Variants in NRK observed in about 807,000 individuals in gnomAD.
NRK encodes Nik related kinase.
NRK carries 67 observed loss-of-function variants against 125.2 expected under a neutral mutation model. The observed-to-expected ratio is 0.54, with a 90% CI of 0.44 to 0.66. The LOEUF is 0.66. Ranked by LOEUF, NRK falls within the 30% of genes least tolerant of loss-of-function variation. NRK has a pLI of 0.00. For missense variants in NRK, 1,224 were observed against 1,192.9 expected, an observed-to-expected ratio of 1.03 and a Z score of -0.38; for synonymous variants, 458 against 429.0, an observed-to-expected ratio of 1.07 and a Z score of -0.84.
intron 2 of NRK, among the ~76,000 whole-genome samples, chrX:105,857,211 C>T (rs901317834): frequency 1.3e-4 from 15 of 111,242 alleles, no homozygotes; most frequent in African/African-American, 4.9e-4. Context: ...GCTGTATAAT[C>T]TCTGATTAGA....
intron 27 of NRK, 21 bp from the exon 28 acceptor site, chrX:105,953,013 T>C: frequency 9.2e-7 from 1 of 1,091,695 alleles, no homozygotes; most frequent in Non-Finnish European, 1.2e-6. Flanking sequence ...TTTTTCTGAT[T>C]TTTTTTCATT....
At chrX:105,867,666 C>T (rs773353865) in intron 2 of NRK, among the ~76,000 whole-genome samples, 3 of 111,461 alleles carry the variant, frequency 2.7e-5, no homozygotes, top group South Asian at 3.7e-4. Flanking sequence ...CAGATATTTT[C>T]GTTATATCTC....
intron 7 of NRK, among the ~76,000 whole-genome samples, chrX:105,897,444 A>T (rs2040099038): frequency 8.9e-6 from 1 of 111,933 alleles, no homozygotes; most frequent in East Asian, 2.8e-4. Context: ...ATGAAAGAAA[A>T]CTTTAAATTA....
At chrX:105,851,779 A>G (rs1478552159) in intron 2 of NRK, among the ~76,000 whole-genome samples, 1 of 110,997 alleles carries the variant, frequency 9.0e-6, no homozygotes. Context: ...AAGGCAAGGT[A>G]CACTTCTGCC....
At chrX:105,823,430 T>A (rs1423849320) in intron 1 of NRK, among the ~76,000 whole-genome samples, 1 of 112,131 alleles carries the variant, frequency 8.9e-6, no homozygotes, top group Non-Finnish European at 1.9e-5. Flanking sequence ...TATTTTCTAA[T>A]ACACTTTCTA....
Position 105,957,325 on chromosome X carries a change from T to C in NRK, c.*1725T>C, listed in dbSNP as rs1276644665. ...TATGTCAAATTTTTTTTCTTAGAAG[T>C]AGTCTTCATTATTATAAATTTGTAC... On this transcript the variant is annotated 3_prime_UTR_variant, in exon 29 of 29. Transcript: ENST00000243300. 2 of 110,632 alleles carry C rather than the reference T, an allele frequency of 1.8e-5. No individual in the cohort carries two copies. Among genetic ancestry groups the C allele is most frequent in the Non-Finnish European group, 3.8e-5 (2 of 52,781 alleles). The allele number at this position is 110,632 out of a possible 1,213,427, so 9.1% of individuals were successfully genotyped here. A position where few individuals can be genotyped will look rare whatever the true frequency, so the allele number is the denominator to read the frequency against.
chrX:105,904,300 A>G (rs993337634), intron 9 of NRK, among the ~76,000 whole-genome samples: 1 of 112,060 alleles, frequency 8.9e-6, no homozygotes, highest in African/African-American at 3.2e-5. Context: ...ACACTTATAG[A>G]AAAAACCAAA....
At chrX:105,861,829 C>A (rs769307583) in intron 2 of NRK, among the ~76,000 whole-genome samples, 6 of 111,165 alleles carry the variant, frequency 5.4e-5, no homozygotes, top group South Asian at 3.8e-4. Context: ...GAGGCCAAGG[C>A]GGGCAGATCA....
At chrX:105,863,231 A>G (rs2039624380) in intron 2 of NRK, among the ~76,000 whole-genome samples, 1 of 110,658 alleles carries the variant, frequency 9.0e-6, no homozygotes, top group African/African-American at 3.3e-5. Context: ...GTGTTATTGA[A>G]TACTATTACT....
chrX:105,823,663 G>A (rs1256889377), intron 1 of NRK, among the ~76,000 whole-genome samples: 1 of 111,058 alleles, frequency 9.0e-6, no homozygotes, highest in Non-Finnish European at 1.9e-5. Flanking sequence ...TGATTGGTAA[G>A]CTATTATCGC....
chrX:105,835,888 G>T (rs139500704), intron 2 of NRK, among the ~76,000 whole-genome samples: 9 of 111,323 alleles, frequency 8.1e-5, no homozygotes, highest in Non-Finnish European at 1.1e-4. Flanking sequence ...ACCCACATTT[G>T]CTCTTTAGCA....
chrX:105,872,410 A>G, intron 2 of NRK, among the ~76,000 whole-genome samples: 1 of 112,111 alleles, frequency 8.9e-6, no homozygotes, highest in East Asian at 2.8e-4. Flanking sequence ...TGTCTGTAAA[A>G]TAACTTTGAG....
intron 15 of NRK, among the ~76,000 whole-genome samples, chrX:105,917,146 A>T (rs2040376046): frequency 9.0e-6 from 1 of 111,166 alleles, no homozygotes; most frequent in South Asian, 3.7e-4. Flanking sequence ...CGTTAAAAAC[A>T]TTAATTTCAA....
At chrX:105,861,727 A>T (rs991303136) in intron 2 of NRK, among the ~76,000 whole-genome samples, 6 of 112,117 alleles carry the variant, frequency 5.4e-5, no homozygotes, top group African/African-American at 1.9e-4. Flanking sequence ...ATGAAAGGTT[A>T]ATATTGTTAA....
intron 2 of NRK, among the ~76,000 whole-genome samples, chrX:105,867,561 T>C (rs2039688427): frequency 8.9e-6 from 1 of 112,216 alleles, no homozygotes; most frequent in South Asian, 3.6e-4. Flanking sequence ...TAGACTGCAT[T>C]TGTGCCTGCA....
chrX:105,922,895 G>C (rs2040471277), intron 17 of NRK, among the ~76,000 whole-genome samples: 1 of 111,049 alleles, frequency 9.0e-6, no homozygotes, highest in Non-Finnish European at 1.9e-5. Flanking sequence ...TTTTTTAAGT[G>C]AGTAAATTTT....
chrX:105,834,824 C>T (rs1444495797), intron 2 of NRK, among the ~76,000 whole-genome samples: 2 of 110,922 alleles, frequency 1.8e-5, no homozygotes, highest in Non-Finnish European at 3.8e-5. Flanking sequence ...GAGTCAAGGA[C>T]ATTCTTCAAC....
At chrX:105,865,293 C>T (rs1480758655) in intron 2 of NRK, among the ~76,000 whole-genome samples, 2 of 111,200 alleles carry the variant, frequency 1.8e-5, no homozygotes, top group East Asian at 5.7e-4. Flanking sequence ...GGAACAGAAT[C>T]CTCCTTAAGG....
In NRK at chrX:105,909,583, C is replaced by G. The variant is rs933738976; in HGVS notation, c.1942C>G (p.Leu648Val). ...GATAGAGGGACTATCAAGAGACTTG[C>G]TTCGGGCACCAAACTCAAATAACTC... is the stretch of plus-strand genomic sequence containing the variant. ...ALIEGLSRDL[L>V]RAPNSNNSKP... Residue 648 changes from leucine to valine, a missense_variant, in exon 13 of 29, where the codon CTT becomes GTT. By Grantham distance (32) the Leu-to-Val change is conservative. Transcript: ENST00000243300. 2 of 1,203,626 alleles carry G rather than the reference C, an allele frequency of 1.7e-6. No homozygotes were observed. The highest frequency in any genetic ancestry group is 2.2e-6 in the Non-Finnish European group (2 of 891,474).
Sources: gnomAD v4.1 joint callset for allele counts (sites outside exome capture counted in the v4.1 genomes callset) on GRCh38, gnomAD v4.1.1 for gene constraint, MANE v1.5 for transcripts, NCBI Gene and HGNC (gene_info 2026-07-23, HGNC 2026-07-21) for gene names.